The following ERBB4 variants were observed in gnomAD, a reference collection of about 807,000 sequenced individuals.
The protein encoded by ERBB4 is erb-b2 receptor tyrosine kinase 4.
ERBB4 carries 42 observed loss-of-function variants against 158.0 expected under a neutral mutation model. The ratio of observed to expected loss-of-function variants is 0.27; its 90% CI spans 0.21 to 0.34. ERBB4 has a LOEUF of 0.34. Among genes scored for constraint, ERBB4 ranks in the 10% least tolerant of loss-of-function variants. The probability of loss-of-function intolerance (pLI) is 1.00; values close to 1 mark genes in which losing one functional copy is unlikely to be tolerated. For missense variants in ERBB4, 1,333 were observed against 1,624.1 expected (o/e 0.82, Z 3.08); for synonymous variants, 583 against 558.7 (o/e 1.04, Z -0.61).
At chr2:211,710,239 C>T (rs1364048165) in intron 9 of ERBB4, among the ~76,000 whole-genome samples, 1 of 152,050 alleles carries the variant, frequency 6.6e-6, no homozygotes, top group Non-Finnish European at 1.5e-5. Flanking sequence ...AATCATTCCC[C>T]ACAGTGAAAG....
At chr2:211,724,991 TA>T in intron 6 of ERBB4, 84 bp downstream of exon 6, 2 of 1,046,588 alleles carry the variant, frequency 1.9e-6, no homozygotes, top group Non-Finnish European at 3.0e-6. Context: ...GATCTGATTG[TA>T]ATAAGACAAA....
chr2:211,860,503 C>A (rs1267649695), intron 3 of ERBB4, among the ~76,000 whole-genome samples: 2 of 152,062 alleles, frequency 1.3e-5, no homozygotes, highest in East Asian at 3.9e-4. Flanking sequence ...TTATCATTGT[C>A]CCTGGGTTTT....
chr2:211,429,950 A>G (rs73067252), intron 21 of ERBB4, among the ~76,000 whole-genome samples: 1,880 of 152,304 alleles, frequency 0.012, 45 homozygotes, highest in African/African-American at 0.043. Context: ...ATAGACTTCA[A>G]CTTCTGTGCA....
rs1173969856 is a variant in ERBB4, at chr2:212,120,735, G to A, written c.234+4017C>T. Among the ~76,000 whole-genome samples, 4 of 152,176 alleles carry A rather than the reference G, an allele frequency of 2.6e-5. No individual in the cohort carries two copies. In the East Asian group the frequency reaches 7.7e-4, roughly 29 times the overall value. On this transcript the variant is annotated intron_variant, in intron 2 of 27. Coordinates refer to ENST00000342788, the MANE Select transcript of ERBB4 (RefSeq NM_005235.3). ...GAAATGAATCCAGAATGAAATTTAAGATGACTATTGATCCTCTAAATACAT... is the reference window on the plus strand; with the variant it reads ...GAAATGAATCCAGAATGAAATTTAAAATGACTATTGATCCTCTAAATACAT...
chr2:211,564,687 G>A (rs1218430927), intron 19 of ERBB4, among the ~76,000 whole-genome samples: 1 of 152,048 alleles, frequency 6.6e-6, no homozygotes, highest in Non-Finnish European at 1.5e-5. Context: ...AAAGGGAGGG[G>A]GTGTTAGAAG....
At chr2:211,771,099 T>C (rs1201070497) in intron 4 of ERBB4, among the ~76,000 whole-genome samples, 2 of 152,190 alleles carry the variant, frequency 1.3e-5, no homozygotes, top group Admixed American at 1.3e-4. Flanking sequence ...CTTACACCTC[T>C]TCCTAGAATC....
intron 13 of ERBB4, among the ~76,000 whole-genome samples, chr2:211,675,677 T>C (rs897681435): frequency 6.6e-6 from 1 of 150,758 alleles, no homozygotes; most frequent in East Asian, 1.9e-4. Context: ...CAGCCAGTAA[T>C]TGACTGATTT....
intron 2 of ERBB4, among the ~76,000 whole-genome samples, chr2:212,024,373 G>A (rs1402359326): frequency 1.3e-5 from 2 of 151,714 alleles, no homozygotes; most frequent in Non-Finnish European, 2.9e-5. Flanking sequence ...TATATTATCA[G>A]AAGCAATAAT....
intron 1 of ERBB4, among the ~76,000 whole-genome samples, chr2:212,149,074 G>A (rs2080779989): frequency 6.8e-6 from 1 of 146,054 alleles, no homozygotes; most frequent in Non-Finnish European, 1.5e-5. Flanking sequence ...TAGATGACGA[G>A]TTAGTGGGTG....
intron 3 of ERBB4, among the ~76,000 whole-genome samples, chr2:211,860,689 G>A (rs2077987576): frequency 6.6e-6 from 1 of 151,354 alleles, no homozygotes; most frequent in Non-Finnish European, 1.5e-5. Context: ...TTAGTGCTAT[G>A]TTACTGACAG....
intron 1 of ERBB4, among the ~76,000 whole-genome samples, chr2:212,397,289 A>T (rs1231980881): frequency 6.6e-6 from 1 of 152,104 alleles, no homozygotes; most frequent in Non-Finnish European, 1.5e-5. Flanking sequence ...AGCCTGGGCA[A>T]CATGGTGAAA....
chr2:211,887,584 C>T (rs1024705662), intron 3 of ERBB4, among the ~76,000 whole-genome samples: 3 of 152,142 alleles, frequency 2.0e-5, no homozygotes, highest in Admixed American at 1.3e-4. Flanking sequence ...CCTAATATTA[C>T]TTTCTAAACA....
intron 25 of ERBB4, among the ~76,000 whole-genome samples, chr2:211,407,220 G>T (rs1382977319): frequency 6.6e-6 from 1 of 152,092 alleles, no homozygotes; most frequent in African/African-American, 2.4e-5. Context: ...ACTCTTTGAG[G>T]AATTTAATAC....
intron 1 of ERBB4, among the ~76,000 whole-genome samples, chr2:212,248,023 T>A (rs2106037573): frequency 6.6e-6 from 1 of 152,290 alleles, no homozygotes; most frequent in East Asian, 1.9e-4. Flanking sequence ...ACAGTGATTA[T>A]CATTGTGGTT....
chr2:212,193,246 C>T (rs190980502), intron 1 of ERBB4, among the ~76,000 whole-genome samples: 321 of 152,202 alleles, frequency 2.1e-3, no homozygotes, highest in South Asian at 3.1e-3. Flanking sequence ...TAAGCTGTAA[C>T]GGCTGAATTG....
At chr2:212,329,381 T>C (rs1026609971) in intron 1 of ERBB4, among the ~76,000 whole-genome samples, 2 of 152,106 alleles carry the variant, frequency 1.3e-5, no homozygotes, top group Admixed American at 6.6e-5. Flanking sequence ...TAGCAATTTA[T>C]AGTGCCAGAG....
chr2:211,932,498 A>G (rs191786105), intron 3 of ERBB4, among the ~76,000 whole-genome samples: 2 of 152,096 alleles, frequency 1.3e-5, no homozygotes, highest in African/African-American at 4.8e-5. Context: ...GACATTCCCT[A>G]TTTCACCAGC....
intron 1 of ERBB4, among the ~76,000 whole-genome samples, chr2:212,171,859 C>T (rs2081530173): frequency 1.3e-5 from 2 of 152,016 alleles, no homozygotes; most frequent in Admixed American, 6.6e-5. Context: ...ACTGTGAAAA[C>T]AGACCAATAC....
intron 2 of ERBB4, among the ~76,000 whole-genome samples, chr2:212,123,118 T>G (rs2079807145): frequency 1.3e-5 from 2 of 152,200 alleles, no homozygotes. Context: ...TAAGTTCTTT[T>G]GGGCCGGGCG....
Sources: gnomAD v4.1 joint callset for allele counts (sites outside exome capture counted in the v4.1 genomes callset) on GRCh38, gnomAD v4.1.1 for gene constraint, MANE v1.5 for transcripts, NCBI Gene and HGNC (gene_info 2026-07-23, HGNC 2026-07-21) for gene names.